Variants in AGRN observed in about 807,000 individuals in gnomAD.
AGRN encodes agrin.
A neutral mutation model predicts 211.0 loss-of-function variants in AGRN; 106 were observed. The observed-to-expected ratio is 0.50, with a 90% CI of 0.43 to 0.59. The LOEUF (loss-of-function observed/expected upper bound fraction) is 0.59. Among genes scored for constraint, AGRN ranks in the 20% least tolerant of loss-of-function variants. The pLI is 0.00. For synonymous variants in AGRN, 1,525 were observed against 1,332.5 expected, an observed-to-expected ratio of 1.14 and a Z score of -3.15; for missense variants, 3,040 against 2,982.6, an observed-to-expected ratio of 1.02 and a Z score of -0.45.
chr1:1,043,054 C>T (rs1557703665), intron 7 of AGRN, among the ~76,000 whole-genome samples, 185 bp from the exon 8 acceptor site: 2 of 152,132 alleles, frequency 1.3e-5, no homozygotes, highest in Admixed American at 1.3e-4. Flanking sequence ...GTGTGTGTTC[C>T]GCTCGCCTCT....
chr1:1,042,643 C>T (rs1245990414), intron 7 of AGRN, among the ~76,000 whole-genome samples: 1 of 152,182 alleles, frequency 6.6e-6, no homozygotes, highest in Non-Finnish European at 1.5e-5. Context: ...TCTGTCTCTT[C>T]TCTTTGGTCT....
intron 26 of AGRN, 28 bp downstream of exon 26, chr1:1,049,823 G>A: frequency 1.9e-6 from 3 of 1,608,700 alleles, no homozygotes; most frequent in East Asian, 2.2e-5. Flanking sequence ...GCGGGTGGGA[G>A]TGGGACCCCG....
At chr1:1,051,109 A>G in intron 30 of AGRN, 144 bp from the exon 31 acceptor site, 1 of 1,527,442 alleles carries the variant, frequency 6.5e-7, no homozygotes, top group Non-Finnish European at 8.8e-7. Context: ...CTCCTCCCCC[A>G]CTAAGGACCC....
At chr1:1,045,033 G>A in intron 12 of AGRN, 128 bp from the exon 13 acceptor site, 1 of 1,000,518 alleles carries the variant, frequency 1.0e-6, no homozygotes, top group Non-Finnish European at 1.6e-6. Context: ...CAGGCTCCCG[G>A]GCTCCTCTGG....
chr1:1,044,474 C>CG, intron 12 of AGRN, 35 bp downstream of exon 12: 3 of 1,573,694 alleles, frequency 1.9e-6, no homozygotes, highest in Middle Eastern at 1.8e-4. Context: ...CAGGCACAGG[C>CG]GGGGCGGCGT....
intron 2 of AGRN, among the ~76,000 whole-genome samples, chr1:1,030,863 A>G (rs1441026388): frequency 1.2e-5 from 1 of 86,858 alleles, no homozygotes; most frequent in African/African-American, 4.9e-5. Flanking sequence ...GTGTGTGTGC[A>G]GTGCATGGTG....
Position 1,046,612 on chromosome 1 carries a change from C to T in AGRN, c.3127C>T (p.Pro1043Ser). 6.2e-7 allele frequency: 1 copy of T among 1,603,752 alleles called. No individual in the cohort carries two copies. The highest frequency in any genetic ancestry group is 8.5e-7 in the Non-Finnish European group (1 of 1,179,364). ...CGTGTGGCCCGTGCTGACGGTGCCC[C>T]CCACGGCACCCTCCCCTGCACCCAG... ...TTVWPVLTVP[P>S]TAPSPAPSLV... Residue 1043 changes from proline (P) to serine (S), a missense_variant, in exon 18 of 36, where the codon CCC becomes TCC. Transcript: ENST00000379370.
chr1:1,044,007 A>G lies in AGRN; in HGVS notation c.1983A>G (p.Ala661=), dbSNP rs1448641436. The change falls in exon 10 of 36, where the codon GCA becomes GCG. Residue 661 remains alanine, a synonymous_variant. Coordinates refer to ENST00000379370, the MANE Select transcript of AGRN (RefSeq NM_198576.4). ...AGACACAGATCGAGGAGGCCCGGGC[A>G]GGGCCGTGCGAGCAGGGTAGGCCGG... ...LQQTQIEEAR[A]GPCEQAECGS... 1 of 1,608,298 alleles carries G rather than the reference A, an allele frequency of 6.2e-7. No individual in the cohort carries two copies. The highest frequency in any genetic ancestry group is 1.7e-5 in the Admixed American group (1 of 59,772).
intron 3 of AGRN, among the ~76,000 whole-genome samples, chr1:1,039,191 A>AGCAGAAGAGG (rs1290800192): frequency 6.6e-6 from 1 of 151,762 alleles, no homozygotes; most frequent in East Asian, 1.9e-4. Context: ...GTGGGAGAGT[A>AGCAGAAGAGG]GCAGAAGAGG....
In AGRN at chr1:1,043,838, C is replaced by T. The variant is rs1038802664; in HGVS notation, c.1814C>T (p.Ala605Val). 6.2e-6 allele frequency: 10 copies of T among 1,611,148 alleles called. No homozygotes were observed. Among genetic ancestry groups the T allele is most frequent in the Non-Finnish European group, 8.5e-6 (10 of 1,179,836 alleles). The change falls in exon 10 of 36, where the codon GCC (alanine) becomes GTC (valine). Residue 605 changes from alanine to valine, a missense_variant. Ala to Val is a moderately conservative substitution (Grantham distance 64). This residue lies in a region of AGRN where 1,498 missense variants were observed against 1,457.8 expected (regional missense o/e 1.03). Transcript: ENST00000379370. ...TCTCCTGCAGAGACCTGTGGAGATG[C>T]CGTGTGTGCTTTTGGGGCTGTGTGC... ...SAGPCETCGD[A>V]VCAFGAVCSA...
chr1:1,039,366 G>C (rs1351651319), intron 3 of AGRN, among the ~76,000 whole-genome samples: 1 of 149,700 alleles, frequency 6.7e-6, no homozygotes, highest in Non-Finnish European at 1.5e-5. Context: ...TGTTGCTATA[G>C]CAACAGCTGG....
At position 1,032,834 on chromosome 1, in the gene AGRN, G is replaced by A. The variant is rs190441175; in HGVS notation, c.464-2443G>A. Among the ~76,000 whole-genome samples the A allele has an allele frequency of 1.1e-3, 169 of 152,268 alleles. No homozygotes were observed. The highest frequency in any genetic ancestry group is 1.8e-3 in the Admixed American group (27 of 15,306). ...CTGCGGGTGGCCAGGGGTGTGCGGG[G>A]GCGCTGAGGTGCGGTCGCCGAGAGA... On this transcript the variant is annotated intron_variant, in intron 2 of 35. Coordinates refer to ENST00000379370, the MANE Select transcript of AGRN (RefSeq NM_198576.4). This position sits in a 1 kb window ranked among gnomAD's most constrained non-coding sequence, Gnocchi z 4.7.
rs375812789 is a variant in AGRN, at chr1:1,040,810, C to T, written c.657C>T (p.Asn219=). The change falls in exon 4 of 36, where the codon AAC becomes AAT. Residue 219 remains asparagine, a synonymous_variant. Coordinates refer to ENST00000379370, the MANE Select transcript of AGRN (RefSeq NM_198576.4). The part of the protein sequence containing the change: ...VCGSDASTYS[N]ECELQRAQCS... ...GGTCGGACGCCTCCACCTACAGCAA[C>T]GAATGCGAGCTGCAGCGGGCGCAGT... is the stretch of plus-strand genomic sequence containing the variant. 21 of 1,538,104 alleles carry T rather than the reference C, an allele frequency of 1.4e-5. No homozygotes were observed. The African/African-American group carries it at 2.6e-4, about 19-fold the overall frequency.
rs1645171612 is a variant in AGRN at position 1,048,624 on chromosome 1, G to A, written c.4106-243G>A. On this transcript the variant is annotated intron_variant, in intron 23 of 35. Transcript: ENST00000379370. This position sits in a 1 kb window ranked among gnomAD's most constrained non-coding sequence, Gnocchi z 5.9. ...TGTCTCTACTAAAAATACAAAATTA[G>A]CCGGGCGTGGTGGTGGGCGCCTGTA... is the stretch of plus-strand genomic sequence containing the variant. 1 of 598,282 alleles carries A rather than the reference G, an allele frequency of 1.7e-6. No homozygotes were observed. The highest frequency in any genetic ancestry group is 2.9e-6 in the Non-Finnish European group (1 of 347,242). The allele number at this position is 598,282 out of a possible 1,614,324, so 37.1% of individuals were successfully genotyped here.
chr1:1,055,333 G>T lies in AGRN; in HGVS notation c.*352G>T. On this transcript the variant is annotated 3_prime_UTR_variant, in exon 36 of 36. Transcript: ENST00000379370. ...GGACTCGTGTCCCAGAGAGGAAGGG[G>T]CTGCTGAGGTCTGATGGGGCCCTTC... The T allele has an allele frequency of 2.6e-6, 1 of 384,244 alleles. No homozygotes were observed. Among genetic ancestry groups the T allele is most frequent in the Non-Finnish European group, 5.0e-6 (1 of 198,740 alleles). The allele number at this position is 384,244 out of a possible 1,614,324, so 23.8% of individuals were successfully genotyped here.
chr1:1,051,146 C>G lies in AGRN; in HGVS notation c.5254-107C>G, dbSNP rs928772094. The G allele has an allele frequency of 2.6e-6, 4 of 1,520,978 alleles. No homozygotes were observed. The Admixed American group carries it at 7.9e-5, about 30-fold the overall frequency. 94.2% of individuals were successfully genotyped at this position (1,520,978 alleles called of 1,614,324 possible). A position where few individuals can be genotyped will look rare whatever the true frequency, so the allele number is the denominator to read the frequency against. On this transcript the variant is annotated intron_variant, in intron 30 of 35. Coordinates refer to ENST00000379370, the MANE Select transcript of AGRN (RefSeq NM_198576.4). ...GCCATTTCTGTGTGATTAACGCTGC[C>G]CCCTAGATAGGCAATGGGCGGGTGG... is the stretch of plus-strand genomic sequence containing the variant.
At chr1:1,025,569 G>A (rs989922740) in intron 2 of AGRN, among the ~76,000 whole-genome samples, 1 of 151,686 alleles carries the variant, frequency 6.6e-6, no homozygotes, top group African/African-American at 2.4e-5. Flanking sequence ...CCGCATTCCT[G>A]CCACCCTCTC....
At position 1,046,499 on chromosome 1, in the gene AGRN, C is replaced by A; in HGVS notation, c.3014C>A (p.Pro1005His). 1.2e-6 allele frequency: 2 copies of A among 1,610,784 alleles called. No homozygotes were observed. The highest frequency in any genetic ancestry group is 1.3e-5 in the African/African-American group (1 of 75,010). Residue 1005 changes from proline (P) to histidine (H), a missense_variant, in exon 18 of 36, where the codon CCC (proline) becomes CAC (histidine). Coordinates refer to ENST00000379370, the MANE Select transcript of AGRN (RefSeq NM_198576.4). ...CTGCCGGCCCCCCCCGGCGCCCTCCCCCTGGCTCCCAGCAGTACCGCACAC... is the reference window on the plus strand; with the variant it reads ...CTGCCGGCCCCCCCCGGCGCCCTCCACCTGGCTCCCAGCAGTACCGCACAC... ...QALPAPPGAL[P>H]LAPSSTAHSQ...
In AGRN at chr1:1,032,894, C is replaced by T. The variant is rs1644703198; in HGVS notation, c.464-2383C>T. Reference sequence around the variant, plus strand: ...CCAGGGTGGTCGGGCCTGGCATGGACTCTAGGGGATGGTGCACACACCGGA... The same window carrying T: ...CCAGGGTGGTCGGGCCTGGCATGGATTCTAGGGGATGGTGCACACACCGGA... On this transcript the variant is annotated intron_variant, in intron 2 of 35. Coordinates refer to ENST00000379370, the MANE Select transcript of AGRN (RefSeq NM_198576.4). The surrounding 1 kb of genome is among the most constrained non-coding windows in gnomAD (Gnocchi z 4.7). Among the ~76,000 whole-genome samples, 1 of 152,050 alleles carries T rather than the reference C, an allele frequency of 6.6e-6. No homozygotes were observed. The highest frequency in any genetic ancestry group is 2.1e-4 in the South Asian group (1 of 4,824).
Sources: gnomAD v4.1 joint callset for allele counts (sites outside exome capture counted in the v4.1 genomes callset) on GRCh38, gnomAD v4.1.1 for gene constraint, gnomAD v4.1.1 regional missense constraint, Gnocchi (gnomAD v3.1) non-coding constraint, MANE v1.5 for transcripts, NCBI Gene and HGNC (gene_info 2026-07-23, HGNC 2026-07-21) for gene names.